Variants in KATNAL2 observed in about 807,000 individuals in gnomAD.
KATNAL2 encodes the protein katanin catalytic subunit A1 like 2, also known as katanin p60 ATPase-containing subunit A-like 2.
A neutral mutation model predicts 76.3 loss-of-function variants in KATNAL2; 52 were observed. The observed-to-expected ratio is 0.68, with a 90% confidence interval of 0.55 to 0.86. The LOEUF (loss-of-function observed/expected upper bound fraction) is 0.86. Ranked by LOEUF, KATNAL2 falls within the 40% of genes least tolerant of loss-of-function variation. The pLI is 0.00. For missense variants in KATNAL2, 660 were observed against 668.9 expected (o/e 0.99, Z 0.15); for synonymous variants, 243 against 244.2 (o/e 1.00, Z 0.05).
intron 15 of KATNAL2, among the ~76,000 whole-genome samples, chr18:47,081,097 T>G (rs925556884): frequency 1.3e-5 from 2 of 149,668 alleles, no homozygotes; most frequent in African/African-American, 4.9e-5. Flanking sequence ...CCTCCATCAC[T>G]TTATCCCTCC....
At chr18:47,024,581 C>G (rs776245022) in intron 3 of KATNAL2, among the ~76,000 whole-genome samples, 12 of 6,776 alleles carry the variant, frequency 1.8e-3, no homozygotes, top group African/African-American at 3.5e-3. Context: ...CTTTACCTGG[C>G]ATTGACGTTG....
intron 8 of KATNAL2, among the ~76,000 whole-genome samples, chr18:47,060,992 A>G (rs1342372948): frequency 6.6e-6 from 1 of 152,232 alleles, no homozygotes; most frequent in Admixed American, 6.5e-5. Context: ...GGACCATTTA[A>G]CCCAGCACTT....
At position 47,034,934 on chromosome 18, in the gene KATNAL2, C is replaced by T. The variant is rs1476997768; in HGVS notation, c.52-11523C>T. The T allele has an allele frequency of 6.2e-7, 1 of 1,611,916 alleles. No homozygotes were observed. The highest frequency in any genetic ancestry group is 1.1e-5 in the South Asian group (1 of 90,978). On this transcript the variant is annotated intron_variant, in intron 3 of 17. Coordinates refer to ENST00000683218, the MANE Select transcript of KATNAL2 (RefSeq NM_001387690.1). Reference sequence around the variant, plus strand: ...GGGGCCGTCGCGTTTTCTGGGAAGCCCCAGGCCTTTTCCTGGTCCTGAAGA... The same window carrying T: ...GGGGCCGTCGCGTTTTCTGGGAAGCTCCAGGCCTTTTCCTGGTCCTGAAGA...
In KATNAL2 at chr18:47,100,910, G is replaced by A. The variant is rs1413489479; in HGVS notation, c.1522G>A (p.Ala508Thr). ...PRIQLDIVTTADFLDVLTHTK... is the reference protein window; with the variant it reads ...PRIQLDIVTTTDFLDVLTHTK... ...GATCCAGTTGGATATAGTAACCACT[G>A]CCGACTTTCTGGATGTGCTAACTCA... The change falls in exon 18 of 18, where the codon GCC becomes ACC. Residue 508 changes from alanine (A) to threonine (T), a missense_variant. Ala to Thr is a moderately conservative substitution (Grantham distance 58). Coordinates refer to ENST00000683218, the MANE Select transcript of KATNAL2 (RefSeq NM_001387690.1). 3 of 1,613,986 alleles carry A rather than the reference G, an allele frequency of 1.9e-6. No individual in the cohort carries two copies. Among genetic ancestry groups the A allele is most frequent in the African/African-American group, 2.7e-5 (2 of 74,908 alleles).
intron 3 of KATNAL2, chr18:47,032,721 A>G (rs919800912): frequency 2.0e-5 from 11 of 556,870 alleles, no homozygotes; most frequent in Non-Finnish European, 3.4e-5. Context: ...TATGATTACA[A>G]CTAGGGTGTT....
intron 4 of KATNAL2, 127 bp from the exon 5 acceptor site, chr18:47,052,753 G>A: frequency 1.6e-6 from 1 of 625,904 alleles, no homozygotes; most frequent in East Asian, 3.0e-5. Context: ...GCACATACTA[G>A]TTTTCATCTA....
At position 46,942,408 on chromosome 18, in the gene KATNAL2, A is replaced by G. The variant is rs140788673; in HGVS notation, c.-509-3649A>G. Among the ~76,000 whole-genome samples the G allele has an allele frequency of 3.4e-3, 524 of 152,296 alleles. 1 individual carries two copies. The highest frequency in any genetic ancestry group is 0.01 in the Middle Eastern group (3 of 294). ...GAGGTGGGCGGATCACGAGGTCAGG[A>G]GATTGAGACCATCTTGGCCAACATG... On this transcript the variant is annotated intron_variant, in intron 1 of 17. Transcript: ENST00000683218.
At chr18:46,943,140 A>T (rs781303109) in intron 1 of KATNAL2, among the ~76,000 whole-genome samples, 2 of 152,084 alleles carry the variant, frequency 1.3e-5, no homozygotes, top group Non-Finnish European at 2.9e-5. Flanking sequence ...TTTGATGTGT[A>T]TGGTCTCATA....
At chr18:47,089,541 G>A (rs2062912238) in intron 15 of KATNAL2, among the ~76,000 whole-genome samples, 2 of 152,064 alleles carry the variant, frequency 1.3e-5, no homozygotes, top group African/African-American at 4.8e-5. Flanking sequence ...CTCTCCTACA[G>A]TATCCTCAGG....
At chr18:47,086,044 G>C (rs184188849) in intron 15 of KATNAL2, among the ~76,000 whole-genome samples, 1 of 152,150 alleles carries the variant, frequency 6.6e-6, no homozygotes, top group Non-Finnish European at 1.5e-5. Flanking sequence ...AGTGAGCTAT[G>C]ATCACACCAC....
Position 46,917,644 on chromosome 18 carries a change from G to T in KATNAL2, c.-792G>T. ...CGCCCGCCCGCGCCTGCCCCGGCGTGCTGCCCCGCGGCTTGGCCCCGCTCG... is the reference window on the plus strand; with the variant it reads ...CGCCCGCCCGCGCCTGCCCCGGCGTTCTGCCCCGCGGCTTGGCCCCGCTCG... On this transcript the variant is annotated 5_prime_UTR_variant, in exon 1 of 18. Transcript: ENST00000683218. 1.3e-6 allele frequency: 1 copy of T among 788,206 alleles called. No homozygotes were observed. The highest frequency in any genetic ancestry group is 1.5e-6 in the Non-Finnish European group (1 of 646,956). 48.8% of individuals were successfully genotyped at this position (788,206 alleles called of 1,614,324 possible).
chr18:46,925,997 A>G (rs2058717355), intron 1 of KATNAL2, among the ~76,000 whole-genome samples: 1 of 151,988 alleles, frequency 6.6e-6, no homozygotes, highest in Non-Finnish European at 1.5e-5. Flanking sequence ...TAGTCTTCCT[A>G]GCGGTCTATC....
chr18:47,043,233 A>AT (rs2061029097), intron 3 of KATNAL2, among the ~76,000 whole-genome samples: 2 of 144,046 alleles, frequency 1.4e-5, no homozygotes, highest in Non-Finnish European at 3.1e-5. Context: ...TTTCAAAAAA[A>AT]AAAAAAAAAA....
intron 1 of KATNAL2, among the ~76,000 whole-genome samples, chr18:46,928,491 C>A (rs977208399): frequency 6.6e-6 from 1 of 152,078 alleles, no homozygotes; most frequent in African/African-American, 2.4e-5. Flanking sequence ...TCAGTCTGCC[C>A]CTACTGGGGG....
chr18:47,070,656 CTTAAA>C (rs1280666786), intron 13 of KATNAL2, among the ~76,000 whole-genome samples: 2 of 152,114 alleles, frequency 1.3e-5, no homozygotes, highest in African/African-American at 4.8e-5. Flanking sequence ...ACAAATTATG[CTTAAA>C]TTACATTCCC....
chr18:47,046,599 TTTAA>T, intron 4 of KATNAL2, 72 bp downstream of exon 4: 2 of 1,043,860 alleles, frequency 1.9e-6, no homozygotes, highest in Non-Finnish European at 2.8e-6. Flanking sequence ...GATGCGTACT[TTTAA>T]ATACAATAGA....
chr18:46,924,749 T>C (rs1473070822), intron 1 of KATNAL2, among the ~76,000 whole-genome samples: 5 of 152,212 alleles, frequency 3.3e-5, no homozygotes, highest in Admixed American at 3.3e-4. Flanking sequence ...CTCTTGTATT[T>C]CGTTGAGCAG....
intron 15 of KATNAL2, among the ~76,000 whole-genome samples, chr18:47,089,954 AT>A (rs1362418371): frequency 6.6e-6 from 1 of 152,124 alleles, no homozygotes; most frequent in Non-Finnish European, 1.5e-5. Flanking sequence ...AGACTGGCTA[AT>A]TTTTGTATTT....
intron 15 of KATNAL2, among the ~76,000 whole-genome samples, chr18:47,091,530 T>C (rs2062998505): frequency 6.6e-6 from 1 of 152,220 alleles, no homozygotes; most frequent in Non-Finnish European, 1.5e-5. Flanking sequence ...AAAGAATGAT[T>C]CCTGGGTACA....
Sources: gnomAD v4.1 joint callset for allele counts (sites outside exome capture counted in the v4.1 genomes callset) on GRCh38, gnomAD v4.1.1 for gene constraint, MANE v1.5 for transcripts, NCBI Gene and HGNC (gene_info 2026-07-23, HGNC 2026-07-21) for gene names.